LHFPL6: variants seen among roughly 807,000 people sequenced by gnomAD.
The protein encoded by LHFPL6 is LHFPL tetraspan subfamily member 6 protein.
LHFPL6 carries 9 observed loss-of-function variants against 20.6 expected under a neutral mutation model. The ratio of observed to expected loss-of-function variants is 0.44; its 90% CI spans 0.26 to 0.76. LHFPL6 has a LOEUF of 0.76. LHFPL6 is among the 30% of genes least tolerant of loss of function. LHFPL6 has a pLI of 0.20. For missense variants in LHFPL6, 218 were observed against 253.5 expected (o/e 0.86, Z 0.95); for synonymous variants, 105 against 98.7 (o/e 1.06, Z -0.38).
chr13:39,368,490 G>A (rs1870067544), intron 3 of LHFPL6, among the ~76,000 whole-genome samples: 2 of 152,098 alleles, frequency 1.3e-5, no homozygotes, highest in African/African-American at 4.8e-5. Flanking sequence ...GCTGAGGCAG[G>A]AGAATCTCTT....
In LHFPL6 at chr13:39,465,446, T is replaced by C. The variant is rs139544227; in HGVS notation, c.386-86920A>G. Among the ~76,000 whole-genome samples, 4 of 152,304 alleles carry C rather than the reference T, an allele frequency of 2.6e-5. No homozygotes were observed. In the East Asian group the frequency reaches 7.7e-4, roughly 29 times the overall value. Reference sequence around the variant, plus strand: ...CCTAATTTAGGAACTACTTTTCCAATATATTCAGACATTTCAAATTATGAC... The same window carrying C: ...CCTAATTTAGGAACTACTTTTCCAACATATTCAGACATTTCAAATTATGAC... On this transcript the variant is annotated intron_variant, in intron 2 of 3. Coordinates refer to ENST00000379589, the MANE Select transcript of LHFPL6 (RefSeq NM_005780.3).
chr13:39,595,633 C>T (rs988304722), intron 2 of LHFPL6, among the ~76,000 whole-genome samples: 13 of 152,172 alleles, frequency 8.5e-5, no homozygotes, highest in Non-Finnish European at 1.8e-4. Flanking sequence ...CAAAGCCCCA[C>T]TCCCACTGTT....
chr13:39,390,825 T>A (rs554663229), intron 2 of LHFPL6, among the ~76,000 whole-genome samples: 4 of 152,104 alleles, frequency 2.6e-5, no homozygotes, highest in South Asian at 4.2e-4. Context: ...TGAAACCCCA[T>A]CTATACTAAA....
chr13:39,472,144 G>A (rs1018136464), intron 2 of LHFPL6, among the ~76,000 whole-genome samples: 8 of 152,124 alleles, frequency 5.3e-5, no homozygotes, highest in African/African-American at 1.7e-4. Context: ...GGTCCTAGAC[G>A]TAGTAGTTTA....
chr13:39,480,166 A>C lies in LHFPL6; in HGVS notation c.386-101640T>G, dbSNP rs76678402. The stretch of plus-strand genomic sequence containing the variant: ...GCCAGTTTGAAGAAGGTCTTGTCTG[A>C]GAAAAACAAAGTGTTAGAAAAGAAC... On this transcript the variant is annotated intron_variant, in intron 2 of 3. Transcript: ENST00000379589. 3.3e-3 allele frequency among the ~76,000 whole-genome samples: 504 copies of C among 152,298 alleles called. 4 individuals carry two copies. The highest frequency in any genetic ancestry group is 0.012 in the African/African-American group (488 of 41,562).
At chr13:39,421,849 T>C (rs1871497936) in intron 2 of LHFPL6, among the ~76,000 whole-genome samples, 1 of 152,198 alleles carries the variant, frequency 6.6e-6, no homozygotes, top group Non-Finnish European at 1.5e-5. Flanking sequence ...CATATTTGAA[T>C]TCTGTTCCTT....
chr13:39,357,557 T>C (rs1214093912), intron 3 of LHFPL6, among the ~76,000 whole-genome samples: 3 of 152,192 alleles, frequency 2.0e-5, no homozygotes, highest in African/African-American at 7.2e-5. Flanking sequence ...TAAGTCAAAC[T>C]ATCTCTCTTT....
chr13:39,595,281 G>A (rs572503110), intron 2 of LHFPL6, among the ~76,000 whole-genome samples: 13 of 152,060 alleles, frequency 8.5e-5, no homozygotes, highest in South Asian at 8.3e-4. Context: ...ACTGTCAGCC[G>A]CCTGTAGTGT....
chr13:39,500,662 C>G (rs7325209), intron 2 of LHFPL6, among the ~76,000 whole-genome samples: 4 of 152,152 alleles, frequency 2.6e-5, no homozygotes, highest in Non-Finnish European at 4.4e-5. Flanking sequence ...TCAATTAAAT[C>G]ATAAATTTCT....
At chr13:39,545,087 C>T (rs926912967) in intron 2 of LHFPL6, among the ~76,000 whole-genome samples, 4 of 151,450 alleles carry the variant, frequency 2.6e-5, no homozygotes, top group South Asian at 2.1e-4. Flanking sequence ...ACTAAAAATA[C>T]AAAAAGAAAT....
chr13:39,417,786 A>G (rs1871383160), intron 2 of LHFPL6, among the ~76,000 whole-genome samples: 1 of 152,154 alleles, frequency 6.6e-6, no homozygotes, highest in Non-Finnish European at 1.5e-5. Flanking sequence ...CTGCATTCCA[A>G]TTGACTGGGG....
intron 2 of LHFPL6, among the ~76,000 whole-genome samples, chr13:39,505,554 GAGGCTCCAGA>G (rs1213065882): frequency 2.0e-5 from 3 of 151,676 alleles, no homozygotes; most frequent in Non-Finnish European, 4.4e-5. Context: ...TTTATCCTCA[GAGGCTCCAGA>G]AGGCAGAGTT....
intron 2 of LHFPL6, among the ~76,000 whole-genome samples, chr13:39,406,583 G>T (rs1871116753): frequency 6.9e-6 from 1 of 145,414 alleles, no homozygotes; most frequent in Non-Finnish European, 1.5e-5. Flanking sequence ...TGGATCCTAA[G>T]TTATCTCAAG....
chr13:39,371,346 T>C (rs1209209900), intron 3 of LHFPL6, among the ~76,000 whole-genome samples: 1 of 152,242 alleles, frequency 6.6e-6, no homozygotes, highest in Non-Finnish European at 1.5e-5. Context: ...CTCTGAGGCA[T>C]GAATTAAATC....
At chr13:39,595,828 C>G (rs1442135414) in intron 2 of LHFPL6, among the ~76,000 whole-genome samples, 2 of 152,178 alleles carry the variant, frequency 1.3e-5, no homozygotes, top group Non-Finnish European at 2.9e-5. Context: ...AAGTGCCATT[C>G]TACCTTGCAG....
At chr13:39,379,878 G>A (rs369189606) in intron 2 of LHFPL6, among the ~76,000 whole-genome samples, 1 of 152,350 alleles carries the variant, frequency 6.6e-6, no homozygotes, top group East Asian at 1.9e-4. Context: ...ACTTGTGGGA[G>A]TGCTAGAAAG....
chr13:39,566,226 A>G (rs529245005), intron 2 of LHFPL6, among the ~76,000 whole-genome samples: 14 of 152,358 alleles, frequency 9.2e-5, no homozygotes, highest in Admixed American at 4.6e-4. Flanking sequence ...AATTGTATTT[A>G]GCTGTACAGA....
intron 2 of LHFPL6, among the ~76,000 whole-genome samples, chr13:39,557,778 C>G (rs77207486): frequency 0.024 from 3,606 of 152,312 alleles, 148 homozygotes; most frequent in African/African-American, 0.083. Context: ...TCATAGTAAT[C>G]TCTCTGACAG....
intron 2 of LHFPL6, among the ~76,000 whole-genome samples, chr13:39,574,649 CAT>C (rs1413416983): frequency 4.6e-5 from 7 of 152,194 alleles, no homozygotes; most frequent in African/African-American, 1.7e-4. Flanking sequence ...GTCTCGCATC[CAT>C]AGTTAGCTGG....
Sources: gnomAD v4.1 joint callset for allele counts (sites outside exome capture counted in the v4.1 genomes callset) on GRCh38, gnomAD v4.1.1 for gene constraint, MANE v1.5 for transcripts, NCBI Gene and HGNC (gene_info 2026-07-23, HGNC 2026-07-21) for gene names.